Variants in TRIQK observed in about 807,000 individuals in gnomAD.
The protein encoded by TRIQK is triple QxxK/R motif containing.
In TRIQK, 10 loss-of-function variants were observed where a neutral mutation model predicts 10.8. The ratio of observed to expected loss-of-function variants is 0.92; its 90% CI spans 0.57 to 1.57. TRIQK has a LOEUF of 1.57. Ranked by LOEUF, TRIQK falls within the 40% of genes most tolerant of loss-of-function variation. The probability of loss-of-function intolerance (pLI) is 0.00; values close to 1 mark genes in which losing one functional copy is unlikely to be tolerated. For synonymous variants in TRIQK, 33 were observed against 33.7 expected (o/e 0.98, Z 0.07); for missense variants, 107 against 97.7 (o/e 1.09, Z -0.40).
chr8:92,980,063 C>A (rs1006118773), intron 1 of TRIQK, among the ~76,000 whole-genome samples: 2 of 151,976 alleles, frequency 1.3e-5, no homozygotes, highest in Non-Finnish European at 1.5e-5. Flanking sequence ...AATGTCTCAC[C>A]ATTAGATCTG....
chr8:92,945,449 C>G (rs1307089002), intron 2 of TRIQK, among the ~76,000 whole-genome samples: 1 of 152,166 alleles, frequency 6.6e-6, no homozygotes. Context: ...AGTATAGGGA[C>G]AGTAACATAC....
At chr8:92,966,980 CA>C (rs10655820), upstream of TRIQK, among the ~76,000 whole-genome samples, 4 of 68,844 alleles carry the variant, frequency 5.8e-5, no homozygotes, top group Non-Finnish European at 7.8e-5. Context: ...AAGTAGCATA[CA>C]AAAAAAAAAA....
In TRIQK at chr8:93,002,962, T is replaced by C. The variant is rs185469625; in HGVS notation, c.-181+14647A>G. ...TCATTAATTGAAAAGAAGAGAATAC[T>C]TCCAAGCTCATTCTACAAGGCCAGC... On this transcript the variant is annotated intron_variant, in intron 1 of 4. Coordinates refer to the TRIQK transcript ENST00000520686. Among the ~76,000 whole-genome samples, 519 of 150,854 alleles carry C rather than the reference T, an allele frequency of 3.4e-3. 1 individual carries two copies. The highest frequency in any genetic ancestry group is 5.8e-3 in the Non-Finnish European group (391 of 67,802).
At chr8:93,009,947 A>G (rs772740700) in intron 1 of TRIQK, among the ~76,000 whole-genome samples, 9 of 152,178 alleles carry the variant, frequency 5.9e-5, no homozygotes, top group Non-Finnish European at 8.8e-5. Flanking sequence ...ACATAAAAAA[A>G]TAGAGTCCTG....
upstream of TRIQK, among the ~76,000 whole-genome samples, chr8:92,966,758 T>C (rs1168134715): frequency 6.6e-6 from 1 of 152,066 alleles, no homozygotes; most frequent in Non-Finnish European, 1.5e-5. Flanking sequence ...CTATGGACAA[T>C]GAAACACAGG....
At chr8:92,926,227 A>G (rs2130520936) in intron 2 of TRIQK, 1 of 152,286 alleles carries the variant, frequency 6.6e-6, no homozygotes, top group East Asian at 1.9e-4. Context: ...TTATGCAGAG[A>G]AAAAGAAACC....
At chr8:92,894,672 T>C (rs1307459659) in intron 3 of TRIQK, among the ~76,000 whole-genome samples, 1 of 152,122 alleles carries the variant, frequency 6.6e-6, no homozygotes, top group African/African-American at 2.4e-5. Context: ...AGGAACAGGT[T>C]CTACTGCATT....
intron 1 of TRIQK, among the ~76,000 whole-genome samples, chr8:92,962,085 A>T (rs1239579639): frequency 7.9e-5 from 12 of 152,224 alleles, no homozygotes; most frequent in Admixed American, 7.9e-4. Flanking sequence ...GATGCTGAAC[A>T]TTTCTACCAT....
chr8:92,997,655 C>T (rs548850728), intron 1 of TRIQK, among the ~76,000 whole-genome samples: 1 of 152,198 alleles, frequency 6.6e-6, no homozygotes, highest in East Asian at 1.9e-4. Flanking sequence ...CTGAAAAAGG[C>T]ACTAGCACCT....
intron 2 of TRIQK, among the ~76,000 whole-genome samples, chr8:92,949,481 T>C (rs180994844): frequency 8.6e-5 from 13 of 151,752 alleles, no homozygotes; most frequent in African/African-American, 2.7e-4. Context: ...CATGCTGATG[T>C]AACCAATTAC....
chr8:92,912,681 A>T (rs975173737), intron 3 of TRIQK, among the ~76,000 whole-genome samples: 1 of 152,032 alleles, frequency 6.6e-6, no homozygotes, highest in Non-Finnish European at 1.5e-5. Flanking sequence ...GAAAAAGATC[A>T]TAAGGGGCAT....
intron 1 of TRIQK, among the ~76,000 whole-genome samples, chr8:93,009,306 C>T (rs1813305586): frequency 6.6e-6 from 1 of 152,114 alleles, no homozygotes; most frequent in Non-Finnish European, 1.5e-5. Flanking sequence ...GTTAGAGTGG[C>T]TGTTATCAAA....
chr8:92,917,010 G>A lies in TRIQK; in HGVS notation c.-21C>T, dbSNP rs530543262. On this transcript the variant is annotated splice_region_variant and 5_prime_UTR_variant, in exon 3 of 5. Transcript: ENST00000521988. ...CCCATCTTTGATCTCCAAAATGCCT[G>A]CTGAAAAGAAAACAATTATAATGAA... The A allele has an allele frequency of 1.8e-5, 27 of 1,478,672 alleles. No homozygotes were observed. In the Admixed American group the frequency reaches 3.0e-4, roughly 17 times the overall value. 91.6% of individuals were successfully genotyped at this position (1,478,672 alleles called of 1,614,324 possible). A position where few individuals can be genotyped will look rare whatever the true frequency, so the allele number is the denominator to read the frequency against.
At chr8:92,899,646 A>T (rs781607616) in intron 3 of TRIQK, among the ~76,000 whole-genome samples, 19 of 152,196 alleles carry the variant, frequency 1.2e-4, no homozygotes, top group Non-Finnish European at 2.6e-4. Context: ...ATAGCCATTC[A>T]TCTATTGATG....
intron 2 of TRIQK, among the ~76,000 whole-genome samples, chr8:92,946,726 C>T (rs895455736): frequency 6.6e-6 from 1 of 151,416 alleles, no homozygotes; most frequent in African/African-American, 2.4e-5. Flanking sequence ...GTGTCATACT[C>T]CCTACCATTT....
At chr8:93,008,616 A>G (rs188020332) in intron 1 of TRIQK, among the ~76,000 whole-genome samples, 174 of 152,326 alleles carry the variant, frequency 1.1e-3, no homozygotes, top group African/African-American at 4.0e-3. Flanking sequence ...GAAACAGCAC[A>G]GTACTGGCAT....
intron 1 of TRIQK, among the ~76,000 whole-genome samples, chr8:92,983,987 C>T (rs911984525): frequency 6.6e-6 from 1 of 151,994 alleles, no homozygotes; most frequent in African/African-American, 2.4e-5. Flanking sequence ...CAAGTCACTC[C>T]GACCTCTCCA....
chr8:92,966,350 T>C (rs980856045), upstream of TRIQK, among the ~76,000 whole-genome samples: 2 of 152,194 alleles, frequency 1.3e-5, no homozygotes, highest in Non-Finnish European at 2.9e-5. Context: ...GTTTAGTTAA[T>C]ATAAAACGGA....
intron 1 of TRIQK, among the ~76,000 whole-genome samples, chr8:92,986,822 G>A (rs1047256534): frequency 6.6e-6 from 1 of 152,158 alleles, no homozygotes; most frequent in African/African-American, 2.4e-5. Context: ...AATGTGCAGA[G>A]ACGTACACAT....
Sources: allele counts gnomAD v4.1 joint callset (sites outside exome capture counted in the v4.1 genomes callset), GRCh38; gene constraint gnomAD v4.1.1; transcripts MANE v1.5; gene names NCBI Gene and HGNC (gene_info 2026-07-23, HGNC 2026-07-21).